OR2L13: variants seen among roughly 807,000 people sequenced by gnomAD.
The protein encoded by OR2L13 is olfactory receptor family 2 subfamily L member 13, also known as olfactory receptor 2L13.
A neutral mutation model predicts 15.3 loss-of-function variants in OR2L13; 14 were observed. That is an observed-to-expected ratio of 0.91 (90% CI 0.60 to 1.43). The LOEUF (loss-of-function observed/expected upper bound fraction) is 1.43. Among genes scored for constraint, OR2L13 ranks in the 40% most tolerant of loss-of-function variants. The pLI, the probability that OR2L13 is intolerant of heterozygous loss-of-function variation, is 0.00. For synonymous variants in OR2L13, 152 were observed against 142.9 expected, an observed-to-expected ratio of 1.06 and a Z score of -0.45; for missense variants, 367 against 387.9, an observed-to-expected ratio of 0.95 and a Z score of 0.45.
the OR2L13 span, among the ~76,000 whole-genome samples, chr1:248,070,182 G>T: frequency 1.3e-5 from 2 of 152,072 alleles, no homozygotes; most frequent in African/African-American, 4.8e-5. Flanking sequence ...ATTTTTTTCA[G>T]CACCACAACA....
the OR2L13 span, among the ~76,000 whole-genome samples, chr1:247,968,139 A>G: frequency 2.0e-5 from 3 of 152,120 alleles, no homozygotes; most frequent in African/African-American, 7.2e-5. Context: ...GTAAACCATG[A>G]ATAATCATAA....
chr1:247,953,567 A>G, the OR2L13 span, among the ~76,000 whole-genome samples: 1 of 152,172 alleles, frequency 6.6e-6, no homozygotes, highest in Non-Finnish European at 1.5e-5. Context: ...AAATAGGGTA[A>G]ATTGAAGGAA....
chr1:247,949,580 C>T, the OR2L13 span: 3 of 1,614,092 alleles, frequency 1.9e-6, no homozygotes, highest in Admixed American at 5.0e-5. Context: ...TGACCTGCAG[C>T]ACCCACCTCA....
chr1:247,990,295 C>G, the OR2L13 span: 1 of 1,048,670 alleles, frequency 9.5e-7, no homozygotes, highest in Non-Finnish European at 1.5e-6. Context: ...ACATCAACTG[C>G]TTTCATCTTG....
chr1:248,032,415 A>C, the OR2L13 span, among the ~76,000 whole-genome samples: 3 of 152,170 alleles, frequency 2.0e-5, no homozygotes, highest in African/African-American at 7.2e-5. Flanking sequence ...GGCACTAAGT[A>C]TATTTATATT....
At chr1:248,005,429 A>G in the OR2L13 span, among the ~76,000 whole-genome samples, 1 of 152,018 alleles carries the variant, frequency 6.6e-6, no homozygotes, top group African/African-American at 2.4e-5. Flanking sequence ...TGCCAGTACC[A>G]TTCTGTTTTG....
chr1:248,089,779 C>G, the OR2L13 span, among the ~76,000 whole-genome samples: 254 of 152,234 alleles, frequency 1.7e-3, 3 homozygotes, highest in African/African-American at 5.9e-3. Context: ...CTCGGACAAC[C>G]ATGTTTTCTT....
At chr1:248,053,705 T>C in the OR2L13 span, among the ~76,000 whole-genome samples, 1 of 152,214 alleles carries the variant, frequency 6.6e-6, no homozygotes, top group African/African-American at 2.4e-5. Context: ...TCTCCAATGA[T>C]CAGTGATGTT....
the OR2L13 span, among the ~76,000 whole-genome samples, chr1:248,068,250 G>C: frequency 2.6e-5 from 4 of 152,112 alleles, no homozygotes; most frequent in South Asian, 8.3e-4. Flanking sequence ...GCACCCCCCA[G>C]TAGGGGCAGA....
At chr1:248,099,221 T>TA (rs916530954) in intron 2 of OR2L13, 137 bp from the exon 3 acceptor site, 20 of 609,938 alleles carry the variant, frequency 3.3e-5, no homozygotes, top group Admixed American at 2.1e-4. Context: ...AGAAATTGAT[T>TA]AAAAAAAACC....
exon 3 of OR2L13, chr1:248,100,313 A>T: frequency 6.4e-7 from 1 of 1,562,060 alleles, no homozygotes. Flanking sequence ...CTGAAAGAAT[A>T]ATCATGGCCA....
the OR2L13 span, chr1:248,083,529 C>T: frequency 6.1e-6 from 5 of 825,052 alleles, no homozygotes; most frequent in South Asian, 6.9e-5. Context: ...CTTATTATAT[C>T]AATGCACAAA....
chr1:248,075,825 T>C, the OR2L13 span, among the ~76,000 whole-genome samples: 1 of 152,208 alleles, frequency 6.6e-6, no homozygotes, highest in East Asian at 1.9e-4. Context: ...TTGATGGTGG[T>C]TTATTTTGCC....
At chr1:248,069,231 C>T in the OR2L13 span, among the ~76,000 whole-genome samples, 3 of 152,144 alleles carry the variant, frequency 2.0e-5, no homozygotes, top group Non-Finnish European at 2.9e-5. Context: ...AGAGAAAAGT[C>T]GGGTTACCCA....
At chr1:248,082,498 T>TA in the OR2L13 span, among the ~76,000 whole-genome samples, 24 of 150,142 alleles carry the variant, frequency 1.6e-4, no homozygotes, top group Non-Finnish European at 2.4e-4. Context: ...TAAAGTATAA[T>TA]AAAAAAAAAG....
the OR2L13 span, among the ~76,000 whole-genome samples, chr1:247,938,317 T>G: frequency 6.6e-6 from 1 of 152,262 alleles, no homozygotes; most frequent in Admixed American, 6.5e-5. Context: ...ATGTTAATAT[T>G]AGATGCATCA....
At chr1:248,072,910 TC>T in the OR2L13 span, among the ~76,000 whole-genome samples, 1 of 151,888 alleles carries the variant, frequency 6.6e-6, no homozygotes, top group Non-Finnish European at 1.5e-5. Context: ...GAAATGCAAA[TC>T]AAAACCACAA....
the OR2L13 span, chr1:248,060,547 A>T: frequency 2.9e-6 from 2 of 696,588 alleles, no homozygotes. Context: ...ATAATAGTGT[A>T]TATAGGGCTC....
At chr1:248,072,415 C>T in the OR2L13 span, among the ~76,000 whole-genome samples, 3 of 151,940 alleles carry the variant, frequency 2.0e-5, no homozygotes, top group Non-Finnish European at 4.4e-5. Flanking sequence ...TGGGAAAACC[C>T]ATAGCCATAT....
Sources: allele counts gnomAD v4.1 joint callset (sites outside exome capture counted in the v4.1 genomes callset), GRCh38; gene constraint gnomAD v4.1.1; transcripts MANE v1.5; gene names NCBI Gene and HGNC (gene_info 2026-07-23, HGNC 2026-07-21).